RAB44: variants seen among roughly 807,000 people sequenced by gnomAD.
RAB44 encodes RAB44, member RAS oncogene family, also known as ras-related protein Rab-44.
A neutral mutation model predicts 93.3 loss-of-function variants in RAB44; 67 were observed. The ratio of observed to expected loss-of-function variants is 0.72; its 90% CI spans 0.59 to 0.88. RAB44 has a LOEUF of 0.88. RAB44 is among the 40% of genes least tolerant of loss of function. The pLI is 0.00. For missense variants in RAB44, 1,064 were observed against 1,261.7 expected, an observed-to-expected ratio of 0.84 and a Z score of 2.37; for synonymous variants, 427 against 520.3, an observed-to-expected ratio of 0.82 and a Z score of 2.44.
Position 36,704,428 on chromosome 6 carries a change from C to A in RAB44, c.193C>A (p.Arg65Ser), listed in dbSNP as rs753694126. ...CGAKERGFVT[R>S]EDLAVAKFSF... ...TGCCAAGGAGAGGGGCTTTGTCACC[C>A]GCGAGGACCTGGCGGTGAGCCCAAG... Residue 65 changes from arginine to serine, a missense_variant, in exon 2 of 14, where the codon CGC (arginine) becomes AGC (serine). By Grantham distance (110) the Arg-to-Ser change is moderately radical. Transcript: ENST00000612677. 2 of 1,535,438 alleles carry A rather than the reference C, an allele frequency of 1.3e-6. No individual in the cohort carries two copies. The highest frequency in any genetic ancestry group is 2.0e-5 in the Admixed American group (1 of 50,974).
Position 36,722,390 on chromosome 6 carries a change from T to C in RAB44, c.2256T>C (p.Pro752=). ...PRGSPPRGAQ[P]GAGAGPQEPT... is the part of the protein sequence containing the mutation. ...GCTCTCCTCCCAGGGGGGCTCAGCC[T>C]GGGGCTGGAGCAGGACCCCAGGAAC... Residue 752 remains proline, a synonymous_variant, in exon 9 of 14, where the codon CCT becomes CCC. Transcript: ENST00000612677. 7.2e-7 allele frequency: 1 copy of C among 1,379,850 alleles called. No individual in the cohort carries two copies. Among genetic ancestry groups the C allele is most frequent in the South Asian group, 1.9e-5 (1 of 53,090 alleles). The allele number at this position is 1,379,850 out of a possible 1,614,324, so 85.5% of individuals were successfully genotyped here. A position where few individuals can be genotyped will look rare whatever the true frequency, so the allele number is the denominator to read the frequency against.
intron 2 of RAB44, among the ~76,000 whole-genome samples, 189 bp from the exon 3 acceptor site, chr6:36,713,639 G>A (rs1031164558): frequency 1.3e-5 from 2 of 152,172 alleles, no homozygotes; most frequent in Non-Finnish European, 2.9e-5. Context: ...CCAGTTCAGG[G>A]CCCTGCTGGG....
intron 1 of RAB44, among the ~76,000 whole-genome samples, chr6:36,700,817 G>A (rs953806578): frequency 4.6e-5 from 7 of 152,220 alleles, no homozygotes; most frequent in East Asian, 1.9e-4. Context: ...GGCTGGAACT[G>A]CCAGGCCAAA....
At chr6:36,720,060 G>A (rs1254771552) in intron 7 of RAB44, among the ~76,000 whole-genome samples, 2 of 152,234 alleles carry the variant, frequency 1.3e-5, no homozygotes, top group African/African-American at 2.4e-5. Context: ...CCACTGTAGG[G>A]CGCTGAGTAG....
Position 36,713,734 on chromosome 6 carries a change from A to G in RAB44, c.208-94A>G, listed in dbSNP as rs1045482269. 8.0e-6 allele frequency: 6 copies of G among 753,430 alleles called. No individual in the cohort carries two copies. In the African/African-American group the frequency reaches 8.6e-5, roughly 11 times the overall value. 46.7% of individuals were successfully genotyped at this position (753,430 alleles called of 1,614,324 possible). ...GGGACTCTGACATTGGGGTGAGGTG[A>G]GGTAGGGGTGGCTGAAGACAAACAT... On this transcript the variant is annotated intron_variant, in intron 2 of 13. Transcript: ENST00000612677.
chr6:36,704,211 C>A lies in RAB44; in HGVS notation c.-12-13C>A. On this transcript the variant is annotated splice_polypyrimidine_tract_variant and intron_variant, in intron 1 of 13. Transcript: ENST00000612677. ...GTCCAGCAGCCCGGTGCCCCTCACT[C>A]CTCTGTCCCCAGGGCCAACGCACCA... 1 of 1,531,428 alleles carries A rather than the reference C, an allele frequency of 6.5e-7. No individual in the cohort carries two copies. The highest frequency in any genetic ancestry group is 8.7e-7 in the Non-Finnish European group (1 of 1,142,912). 94.9% of individuals were successfully genotyped at this position (1,531,428 alleles called of 1,614,324 possible). A position where few individuals can be genotyped will look rare whatever the true frequency, so the allele number is the denominator to read the frequency against.
At chr6:36,724,427 G>T (rs1207302227) in intron 9 of RAB44, among the ~76,000 whole-genome samples, 1 of 152,126 alleles carries the variant, frequency 6.6e-6, no homozygotes, top group Non-Finnish European at 1.5e-5. Context: ...AAAGTGCTGG[G>T]ATTACAGGCG....
intron 2 of RAB44, among the ~76,000 whole-genome samples, chr6:36,707,410 A>G (rs1323234413): frequency 2.6e-5 from 4 of 152,196 alleles, no homozygotes; most frequent in Admixed American, 1.3e-4. Context: ...AGACAGCTCA[A>G]GAAGACCAGG....
chr6:36,722,868 C>T, intron 9 of RAB44, 135 bp downstream of exon 9: 1 of 1,002,610 alleles, frequency 1.0e-6, no homozygotes, highest in African/African-American at 1.6e-5. Context: ...CTGCATTAGA[C>T]ATTGTTTTAT....
At position 36,700,862 on chromosome 6, in the gene RAB44, T is replaced by G. The variant is rs375723478; in HGVS notation, c.-13+2947T>G. On this transcript the variant is annotated intron_variant, in intron 1 of 13. Coordinates refer to ENST00000612677, the MANE Select transcript of RAB44 (RefSeq NM_001257357.2). ...CCACTGAAGAAGGGTCATAGGCCCA[T>G]GGAGGGAGGGGGCTCCCCTCTTAGG... is the stretch of plus-strand genomic sequence containing the variant. Among the ~76,000 whole-genome samples, 140 of 152,314 alleles carry G rather than the reference T, an allele frequency of 9.2e-4. 2 individuals carry two copies. The highest frequency in any genetic ancestry group is 3.3e-3 in the African/African-American group (137 of 41,578).
intron 6 of RAB44, 131 bp downstream of exon 6, chr6:36,718,249 C>T: frequency 1.8e-6 from 1 of 557,572 alleles, no homozygotes; most frequent in Non-Finnish European, 2.7e-6. Flanking sequence ...CTGCCCTGAG[C>T]AGCTGGTGTT....
At chr6:36,722,774 G>A (rs893552071) in intron 9 of RAB44, 41 bp downstream of exon 9, 22 of 1,547,644 alleles carry the variant, frequency 1.4e-5, no homozygotes, top group African/African-American at 6.8e-5. Flanking sequence ...AAGGAGAGAC[G>A]CAGGGGCCAG....
At chr6:36,727,502 A>G in intron 10 of RAB44, 75 bp from the exon 11 acceptor site, 1 of 917,752 alleles carries the variant, frequency 1.1e-6, no homozygotes. Flanking sequence ...AGGATAGGTT[A>G]CTTCTCCCAC....
At position 36,726,886 on chromosome 6, in the gene RAB44, C is replaced by T. The variant is rs367731949; in HGVS notation, c.2682-691C>T. ...TGTGATCTCAGCTCACTGCAATCTC[C>T]ACCTCCAGGGCTTAAGTGATTCTTG... On this transcript the variant is annotated intron_variant, in intron 10 of 13. Coordinates refer to ENST00000612677, the MANE Select transcript of RAB44 (RefSeq NM_001257357.2). Among the ~76,000 whole-genome samples the T allele has an allele frequency of 6.6e-4, 100 of 152,000 alleles. 3 individuals are homozygous for T. In the South Asian group the frequency reaches 0.021, roughly 31 times the overall value.
chr6:36,720,952 T>A (rs129546), intron 8 of RAB44, among the ~76,000 whole-genome samples, 199 bp from the exon 9 acceptor site: 1 of 152,044 alleles, frequency 6.6e-6, no homozygotes. Context: ...TGAGGCTTCA[T>A]GTGGGTCTTG....
At chr6:36,730,455 T>G (rs1327792803) in intron 12 of RAB44, among the ~76,000 whole-genome samples, 1 of 152,192 alleles carries the variant, frequency 6.6e-6, no homozygotes, top group African/African-American at 2.4e-5. Context: ...TTCAATGCAT[T>G]CCTTGACACC....
intron 10 of RAB44, among the ~76,000 whole-genome samples, chr6:36,726,915 C>T (rs551234321): frequency 6.6e-6 from 1 of 150,470 alleles, no homozygotes; most frequent in African/African-American, 2.4e-5. Context: ...ATTCTTGTGC[C>T]TCAGCCTCCT....
intron 9 of RAB44, 68 bp from the exon 10 acceptor site, chr6:36,725,794 G>T: frequency 9.3e-7 from 1 of 1,077,728 alleles, no homozygotes; most frequent in Non-Finnish European, 1.4e-6. Flanking sequence ...GGTGTATACT[G>T]GGGTAGGCCT....
Position 36,715,102 on chromosome 6 carries a change from A to AATATATATATATAT in RAB44, c.320-374_320-361dup, listed in dbSNP as rs3046039. On this transcript the variant is annotated intron_variant, in intron 3 of 13. Coordinates refer to ENST00000612677, the MANE Select transcript of RAB44 (RefSeq NM_001257357.2). ...TGGCTCACTTAGCAAGTTGGCTTAA[A>AATATATATATATAT]ATATATATATATATATTCTTTTCAA... Among the ~76,000 whole-genome samples the AATATATATATATAT allele has an allele frequency of 9.6e-4, 142 of 148,294 alleles. 5 individuals carry two copies. Among genetic ancestry groups the AATATATATATATAT allele is most frequent in the African/African-American group, 3.4e-3 (133 of 38,874 alleles).
Sources: gnomAD v4.1 joint callset for allele counts (sites outside exome capture counted in the v4.1 genomes callset) on GRCh38, gnomAD v4.1.1 for gene constraint, MANE v1.5 for transcripts, NCBI Gene and HGNC (gene_info 2026-07-23, HGNC 2026-07-21) for gene names.